LDLRAD4: variants seen among roughly 807,000 people sequenced by gnomAD.
LDLRAD4 encodes the protein low-density lipoprotein receptor class A domain-containing protein 4.
LDLRAD4 carries 5 observed loss-of-function variants against 17.0 expected under a neutral mutation model. The ratio of observed to expected loss-of-function variants is 0.29; its 90% CI spans 0.15 to 0.62. LDLRAD4 has a LOEUF of 0.62. LDLRAD4 is among the 20% of genes least tolerant of loss of function. The pLI, the probability that LDLRAD4 is intolerant of heterozygous loss-of-function variation, is 0.84. For missense variants in LDLRAD4, 340 were observed against 424.7 expected, an observed-to-expected ratio of 0.80 and a Z score of 1.75; for synonymous variants, 168 against 171.8, an observed-to-expected ratio of 0.98 and a Z score of 0.17.
At chr18:13,461,786 C>A (rs1030918787) in intron 3 of LDLRAD4, among the ~76,000 whole-genome samples, 1 of 152,276 alleles carries the variant, frequency 6.6e-6, no homozygotes, top group Middle Eastern at 3.4e-3. Flanking sequence ...CAGAAAGTGA[C>A]CAATCAGAGG....
At chr18:13,285,168 A>G (rs1160237176) in intron 1 of LDLRAD4, among the ~76,000 whole-genome samples, 3 of 152,216 alleles carry the variant, frequency 2.0e-5, no homozygotes, top group African/African-American at 7.2e-5. Context: ...GCACTGGGAC[A>G]GTGTTTGTAA....
intron 1 of LDLRAD4, among the ~76,000 whole-genome samples, chr18:13,311,484 G>T (rs1285229311): frequency 6.6e-6 from 1 of 152,248 alleles, no homozygotes; most frequent in East Asian, 1.9e-4. Context: ...GACACTGCTG[G>T]ACACCTCTCA....
intron 3 of LDLRAD4, among the ~76,000 whole-genome samples, chr18:13,509,716 T>A (rs1443022205): frequency 1.3e-5 from 2 of 152,242 alleles, no homozygotes; most frequent in Admixed American, 6.5e-5. Flanking sequence ...CAAATAGCAT[T>A]GCATGTACAG....
chr18:13,470,164 G>A (rs1423360245), intron 3 of LDLRAD4, among the ~76,000 whole-genome samples: 2 of 152,074 alleles, frequency 1.3e-5, no homozygotes, highest in African/African-American at 4.8e-5. Flanking sequence ...GTAAGCCCTT[G>A]ACATCCAAAG....
At chr18:13,641,049 G>A (rs115316171) in intron 4 of LDLRAD4, among the ~76,000 whole-genome samples, 1 of 152,314 alleles carries the variant, frequency 6.6e-6, no homozygotes, top group African/African-American at 2.4e-5. Context: ...CATGTATTAC[G>A]TGTGTAGTTT....
chr18:13,413,366 G>A (rs776164093), intron 2 of LDLRAD4, among the ~76,000 whole-genome samples: 1 of 152,222 alleles, frequency 6.6e-6, no homozygotes, highest in Non-Finnish European at 1.5e-5. Context: ...TGTTTAAGCT[G>A]ATAGAGAATT....
intron 1 of LDLRAD4, among the ~76,000 whole-genome samples, chr18:13,234,511 G>A (rs960012854): frequency 6.7e-6 from 1 of 149,910 alleles, no homozygotes; most frequent in Non-Finnish European, 1.5e-5. Context: ...AGCAGGCCAG[G>A]GGAGGATGGT....
chr18:13,645,668 C>T lies in LDLRAD4; in HGVS notation c.*11C>T, dbSNP rs759794629. On this transcript the variant is annotated 3_prime_UTR_variant, in exon 6 of 6. Transcript: ENST00000359446. The surrounding 1 kb of genome is among the most constrained non-coding windows in gnomAD (Gnocchi z 5.7). ...GGGAACCTGGTCTGATTCCTTCCAA[C>T]GTGCACTTCAGCTGGAGAAAGAAAC... 15 of 1,501,436 alleles carry T rather than the reference C, an allele frequency of 1.0e-5. No homozygotes were observed. The highest frequency in any genetic ancestry group is 7.1e-5 in the Admixed American group (3 of 42,264). The allele number at this position is 1,501,436 out of a possible 1,614,324, so 93.0% of individuals were successfully genotyped here.
intron 3 of LDLRAD4, among the ~76,000 whole-genome samples, chr18:13,616,538 A>C (rs2040094940): frequency 6.6e-6 from 1 of 152,184 alleles, no homozygotes; most frequent in Non-Finnish European, 1.5e-5. Flanking sequence ...CAGAGTCCCC[A>C]GAGCAAGGCT....
intron 1 of LDLRAD4, among the ~76,000 whole-genome samples, chr18:13,361,883 A>G (rs2083697519): frequency 6.6e-6 from 1 of 152,060 alleles, no homozygotes; most frequent in Non-Finnish European, 1.5e-5. Context: ...TCTGTTTGCA[A>G]TGGGGTTTGA....
chr18:13,292,038 C>G lies in LDLRAD4; in HGVS notation c.-383+13850C>G, dbSNP rs141513808. On this transcript the variant is annotated intron_variant, in intron 1 of 5. Coordinates refer to ENST00000359446, the Ensembl canonical transcript of LDLRAD4. ...TTGGGTGTTTTTAGTGTAGTCTGTC[C>G]ACATGCATTTGCTGTGTGCCCTTCA... Among the ~76,000 whole-genome samples, 127 of 152,292 alleles carry G rather than the reference C, an allele frequency of 8.3e-4. 2 individuals are homozygous for G. The South Asian group carries it at 0.014, about 17-fold the overall frequency.
chr18:13,421,609 G>A (rs1488158143), intron 2 of LDLRAD4, among the ~76,000 whole-genome samples: 2 of 152,124 alleles, frequency 1.3e-5, no homozygotes, highest in African/African-American at 4.8e-5. Flanking sequence ...GAAGCTTCTG[G>A]CCTTCACGCG....
chr18:13,336,003 C>T (rs1247183534), intron 1 of LDLRAD4, among the ~76,000 whole-genome samples: 1 of 152,202 alleles, frequency 6.6e-6, no homozygotes, highest in Non-Finnish European at 1.5e-5. Flanking sequence ...GCATCTGCTT[C>T]TGGTGAGGGC....
At chr18:13,238,294 C>G (rs2042435827) in intron 1 of LDLRAD4, among the ~76,000 whole-genome samples, 1 of 152,292 alleles carries the variant, frequency 6.6e-6, no homozygotes, top group Admixed American at 6.5e-5. Flanking sequence ...GAAGGAGCCC[C>G]CTCTTAAAAA....
At chr18:13,495,683 T>C (rs1054605346) in intron 3 of LDLRAD4, among the ~76,000 whole-genome samples, 4 of 152,100 alleles carry the variant, frequency 2.6e-5, no homozygotes, top group Non-Finnish European at 4.4e-5. Flanking sequence ...AATAGATTAA[T>C]AGACTCACAA....
chr18:13,582,345 C>T (rs2094873136), intron 3 of LDLRAD4, among the ~76,000 whole-genome samples: 1 of 152,226 alleles, frequency 6.6e-6, no homozygotes, highest in Non-Finnish European at 1.5e-5. Flanking sequence ...CATAAGTGGG[C>T]ATCCCAGGCC....
intron 3 of LDLRAD4, chr18:13,526,755 G>T (rs1486777431): frequency 6.6e-6 from 1 of 152,228 alleles, no homozygotes; most frequent in African/African-American, 2.4e-5. Context: ...ATATGTGGGT[G>T]AGCTGGGCCT....
chr18:13,442,771 A>C (rs1163245201), intron 3 of LDLRAD4, among the ~76,000 whole-genome samples: 1 of 152,210 alleles, frequency 6.6e-6, no homozygotes, highest in Non-Finnish European at 1.5e-5. Context: ...AGAAGCGATA[A>C]TTGAGTGGTC....
At chr18:13,512,286 AC>A (rs2093794254) in intron 3 of LDLRAD4, among the ~76,000 whole-genome samples, 1 of 152,192 alleles carries the variant, frequency 6.6e-6, no homozygotes. Context: ...GAGTCATGAT[AC>A]AGGAATGATC....
Sources: allele counts gnomAD v4.1 joint callset (sites outside exome capture counted in the v4.1 genomes callset), GRCh38; gene constraint gnomAD v4.1.1; non-coding constraint Gnocchi (gnomAD v3.1); transcripts MANE v1.5; gene names NCBI Gene and HGNC (gene_info 2026-07-23, HGNC 2026-07-21).